Variants in STX18 observed in about 807,000 individuals in gnomAD.
STX18 encodes syntaxin 18.
In STX18, 40 loss-of-function variants were observed where a neutral mutation model predicts 50.1. The observed-to-expected ratio is 0.80, with a 90% confidence interval of 0.62 to 1.04. The LOEUF is 1.04. Among genes scored for constraint, STX18 ranks in the 50% least tolerant of loss-of-function variants. STX18 has a pLI of 0.00. For synonymous variants in STX18, 158 were observed against 151.8 expected (o/e 1.04, Z -0.30); for missense variants, 410 against 415.8 (o/e 0.99, Z 0.12).
chr4:4,464,468 C>T (rs989395987), intron 2 of STX18, among the ~76,000 whole-genome samples: 12 of 152,204 alleles, frequency 7.9e-5, no homozygotes, highest in East Asian at 7.7e-4. Context: ...ACAGGACAGA[C>T]GCTGTCTGCA....
chr4:4,467,326 A>T (rs775706801), intron 2 of STX18, among the ~76,000 whole-genome samples: 2 of 152,318 alleles, frequency 1.3e-5, no homozygotes, highest in African/African-American at 4.8e-5. Flanking sequence ...ACTTCCTCCC[A>T]AAGTTAGTTT....
intron 3 of STX18, among the ~76,000 whole-genome samples, chr4:4,458,388 G>A (rs781436453): frequency 1.3e-5 from 2 of 152,126 alleles, no homozygotes; most frequent in Admixed American, 6.5e-5. Context: ...GGACTCAGGA[G>A]CTCTGTGAAA....
intron 5 of STX18, among the ~76,000 whole-genome samples, chr4:4,451,741 G>A (rs927232875): frequency 1.3e-5 from 2 of 152,158 alleles, no homozygotes; most frequent in African/African-American, 4.8e-5. Flanking sequence ...CGGCCCAGTT[G>A]TTCCCATTTT....
chr4:4,480,124 G>A (rs147005932), intron 1 of STX18, among the ~76,000 whole-genome samples: 1 of 152,288 alleles, frequency 6.6e-6, no homozygotes, highest in African/African-American at 2.4e-5. Context: ...TGCTCGGCAA[G>A]GTATCAATGA....
At chr4:4,503,891 T>C (rs1340198259) in intron 1 of STX18, among the ~76,000 whole-genome samples, 1 of 152,216 alleles carries the variant, frequency 6.6e-6, no homozygotes, top group Non-Finnish European at 1.5e-5. Context: ...TGTCAAGTTT[T>C]ATAGCACACT....
intron 1 of STX18, among the ~76,000 whole-genome samples, chr4:4,526,983 A>G (rs1254143574): frequency 3.3e-5 from 5 of 152,296 alleles, no homozygotes; most frequent in African/African-American, 1.2e-4. Flanking sequence ...CCTCTCCTTG[A>G]TAGCTCTTCT....
intron 1 of STX18, among the ~76,000 whole-genome samples, chr4:4,487,204 C>G (rs1042408208): frequency 6.6e-6 from 1 of 152,104 alleles, no homozygotes. Flanking sequence ...TAGCTCAGCA[C>G]CCGCAGACAT....
chr4:4,537,812 T>A (rs1006576121), intron 1 of STX18, among the ~76,000 whole-genome samples: 8 of 152,196 alleles, frequency 5.3e-5, no homozygotes, highest in Non-Finnish European at 8.8e-5. Context: ...TAAGACACAT[T>A]CAAATCCAAG....
intron 3 of STX18, among the ~76,000 whole-genome samples, chr4:4,459,062 GCACACACACA>G (rs60704649): frequency 2.8e-5 from 4 of 144,280 alleles, no homozygotes; most frequent in South Asian, 2.3e-4. Flanking sequence ...ACACACACAC[GCACACACACA>G]CACACACACA....
At chr4:4,531,160 C>CACACACACAG (rs1731077792) in intron 1 of STX18, among the ~76,000 whole-genome samples, 1 of 152,062 alleles carries the variant, frequency 6.6e-6, no homozygotes, top group Non-Finnish European at 1.5e-5. Context: ...TTTACACACA[C>CACACACACAG]ACACACACAC....
chr4:4,436,252 G>A (rs1025212782), intron 6 of STX18, among the ~76,000 whole-genome samples: 8 of 152,224 alleles, frequency 5.3e-5, no homozygotes, highest in African/African-American at 1.7e-4. Flanking sequence ...CTTAGTGCAT[G>A]CAGGCTTTTA....
intron 5 of STX18, among the ~76,000 whole-genome samples, chr4:4,454,607 C>T (rs1726968510): frequency 6.6e-6 from 1 of 152,170 alleles, no homozygotes; most frequent in South Asian, 2.1e-4. Context: ...CTGGTCTCAT[C>T]GTGTCCCAGA....
intron 5 of STX18, among the ~76,000 whole-genome samples, chr4:4,446,970 T>C (rs1213925820): frequency 5.3e-5 from 8 of 152,256 alleles, no homozygotes; most frequent in East Asian, 3.9e-4. Flanking sequence ...AAGAAGAACA[T>C]AGCAAGGGTA....
intron 7 of STX18, among the ~76,000 whole-genome samples, chr4:4,434,476 G>C (rs577619184): frequency 7.7e-4 from 117 of 152,268 alleles, no homozygotes; most frequent in Non-Finnish European, 1.2e-3. Context: ...ATTTATAAAA[G>C]ACCCATTTAG....
intron 1 of STX18, among the ~76,000 whole-genome samples, chr4:4,508,915 A>G (rs1189534716): frequency 1.3e-5 from 2 of 152,200 alleles, no homozygotes; most frequent in Admixed American, 1.3e-4. Context: ...ATGGCTGCAT[A>G]GTATTTCATG....
intron 7 of STX18, among the ~76,000 whole-genome samples, chr4:4,430,137 A>C (rs979627963): frequency 6.6e-5 from 10 of 152,228 alleles, no homozygotes; most frequent in African/African-American, 2.2e-4. Context: ...TTATTGTGCA[A>C]ATCATATAAT....
chr4:4,502,746 A>G (rs1407943974), intron 1 of STX18, among the ~76,000 whole-genome samples: 1 of 152,220 alleles, frequency 6.6e-6, no homozygotes, highest in African/African-American at 2.4e-5. Flanking sequence ...TGTGCAGCAC[A>G]TGTAATTTCA....
chr4:4,425,268 G>C (rs999725602), intron 7 of STX18, 46 bp from the exon 8 acceptor site: 1 of 1,551,016 alleles, frequency 6.4e-7, no homozygotes, highest in Non-Finnish European at 8.9e-7. Flanking sequence ...ACTGAACTTA[G>C]GCAAGAGTCT....
chr4:4,463,731 T>A (rs1727493468), intron 2 of STX18, among the ~76,000 whole-genome samples: 1 of 152,240 alleles, frequency 6.6e-6, no homozygotes, highest in South Asian at 2.1e-4. Context: ...CAAATCAGTA[T>A]TTGATACACA....
Sources: gnomAD v4.1 joint callset for allele counts (sites outside exome capture counted in the v4.1 genomes callset) on GRCh38, gnomAD v4.1.1 for gene constraint, MANE v1.5 for transcripts, NCBI Gene and HGNC (gene_info 2026-07-23, HGNC 2026-07-21) for gene names.